GRIK3: variants seen among roughly 807,000 people sequenced by gnomAD.
GRIK3 encodes the protein glutamate receptor ionotropic, kainate 3.
GRIK3 carries 29 observed loss-of-function variants against 102.5 expected under a neutral mutation model. The ratio of observed to expected loss-of-function variants is 0.28; its 90% CI spans 0.21 to 0.39. The LOEUF (loss-of-function observed/expected upper bound fraction) is 0.39, where lower values mean the gene tolerates loss of function less well. Ranked by LOEUF, GRIK3 falls within the 10% of genes least tolerant of loss-of-function variation. GRIK3 has a pLI of 1.00. For synonymous variants in GRIK3, 511 were observed against 504.9 expected (o/e 1.01, Z -0.16); for missense variants, 908 against 1,252.4 (o/e 0.73, Z 4.15).
chr1:36,822,719 C>G (rs978261446), intron 11 of GRIK3, among the ~76,000 whole-genome samples: 1 of 152,152 alleles, frequency 6.6e-6, no homozygotes, highest in African/African-American at 2.4e-5. Flanking sequence ...GGATACTCAA[C>G]CCAGATTTGG....
intron 6 of GRIK3, 26 bp from the exon 7 acceptor site, chr1:36,859,277 C>T (rs768777250): frequency 1.6e-5 from 25 of 1,584,624 alleles, no homozygotes; most frequent in East Asian, 1.4e-4. Flanking sequence ...TGCCTGAGAG[C>T]GGCTCCCAAG....
intron 1 of GRIK3, among the ~76,000 whole-genome samples, chr1:36,999,768 T>A (rs762257947): frequency 6.6e-6 from 1 of 152,194 alleles, no homozygotes; most frequent in South Asian, 2.1e-4. Context: ...GTCTTCTCAA[T>A]GAGGCCCTGG....
At chr1:36,826,539 G>A (rs190753869) in intron 10 of GRIK3, among the ~76,000 whole-genome samples, 98 of 152,186 alleles carry the variant, frequency 6.4e-4, no homozygotes, top group Admixed American at 1.9e-3. Flanking sequence ...ACAGTGGCAC[G>A]TGCCTGTAGT....
intron 1 of GRIK3, among the ~76,000 whole-genome samples, chr1:36,963,274 C>T (rs76508104): frequency 0.1 from 15,224 of 152,122 alleles, 868 homozygotes; most frequent in African/African-American, 0.16. Flanking sequence ...GGGAGGCAAG[C>T]GGCGGTAGCA....
chr1:37,026,017 G>A lies in GRIK3; in HGVS notation c.115+7977C>T, dbSNP rs145923260. Among the ~76,000 whole-genome samples the A allele has an allele frequency of 4.0e-3, 606 of 152,228 alleles. 5 individuals are homozygous for A. Among genetic ancestry groups the A allele is most frequent in the Admixed American group, 0.013 (193 of 15,288 alleles). ...CCTGCTGTCTTCTAGGAGAGCTAAAGTGTCTATCCCCTAGGGCCTCTAGCC... is the reference window on the plus strand; with the variant it reads ...CCTGCTGTCTTCTAGGAGAGCTAAAATGTCTATCCCCTAGGGCCTCTAGCC... On this transcript the variant is annotated intron_variant, in intron 1 of 15. Transcript: ENST00000373091.
intron 1 of GRIK3, among the ~76,000 whole-genome samples, chr1:37,004,760 G>A (rs1000520688): frequency 2.6e-5 from 4 of 152,238 alleles, no homozygotes; most frequent in Non-Finnish European, 5.9e-5. Flanking sequence ...TGGGGACAGC[G>A]ATTAACTGCA....
Position 36,880,677 on chromosome 1 carries a change from G to A in GRIK3, c.507C>T (p.Tyr169=), listed in dbSNP as rs745920977. ...CCACGGTGGCTGACCGCCACTTGAG[G>A]TACTGGACCAGGTCGAGGATGGCAT... ...LSHAILDLVQ[Y]LKWRSATVVY... The change falls in exon 3 of 16, where the codon TAC becomes TAT. Residue 169 remains tyrosine, a synonymous_variant. Coordinates refer to ENST00000373091, the MANE Select transcript of GRIK3 (RefSeq NM_000831.4). This position sits in a 1 kb window ranked among gnomAD's most constrained non-coding sequence, Gnocchi z 5.4. 15 of 1,614,100 alleles carry A rather than the reference G, an allele frequency of 9.3e-6. No homozygotes were observed. The Admixed American group carries it at 2.2e-4, about 23-fold the overall frequency.
intron 1 of GRIK3, among the ~76,000 whole-genome samples, chr1:37,031,586 G>C (rs557116779): frequency 6.6e-6 from 1 of 152,332 alleles, no homozygotes; most frequent in South Asian, 2.1e-4. Context: ...CTGGCTGCTG[G>C]AGAAGCATTC....
At chr1:37,031,471 C>G (rs1642827383) in intron 1 of GRIK3, among the ~76,000 whole-genome samples, 1 of 152,200 alleles carries the variant, frequency 6.6e-6, no homozygotes, top group Non-Finnish European at 1.5e-5. Flanking sequence ...AATTTCAGCC[C>G]CCAAAAGAGG....
intron 1 of GRIK3, among the ~76,000 whole-genome samples, chr1:36,998,162 G>A (rs4653238): frequency 0.016 from 2,457 of 152,314 alleles, 49 homozygotes; most frequent in East Asian, 0.063. Flanking sequence ...AAGACACTGG[G>A]ACACCAGCAA....
chr1:36,803,319 GGAGCA>G (rs1642462693), intron 15 of GRIK3, among the ~76,000 whole-genome samples: 1 of 152,178 alleles, frequency 6.6e-6, no homozygotes, highest in Admixed American at 6.5e-5. Flanking sequence ...GAACAGGAGT[GGAGCA>G]GAGTAGGGGA....
At chr1:36,983,374 G>A (rs907770682) in intron 1 of GRIK3, among the ~76,000 whole-genome samples, 1 of 152,020 alleles carries the variant, frequency 6.6e-6, no homozygotes, top group Non-Finnish European at 1.5e-5. Flanking sequence ...AGGTACACAC[G>A]GCACAACGGC....
chr1:36,833,288 C>T (rs1640332290), intron 10 of GRIK3, among the ~76,000 whole-genome samples: 1 of 152,190 alleles, frequency 6.6e-6, no homozygotes, highest in Non-Finnish European at 1.5e-5. Context: ...TTAGAGCCTG[C>T]TGCTTGTGCC....
intron 1 of GRIK3, 137 bp from the exon 2 acceptor site, chr1:36,891,233 C>A: frequency 1.6e-6 from 1 of 614,972 alleles, no homozygotes; most frequent in East Asian, 2.6e-5. Context: ...ACTGCCATAC[C>A]TAGAAAGTGT....
At chr1:36,876,427 C>T (rs1038820942) in intron 3 of GRIK3, among the ~76,000 whole-genome samples, 2 of 152,132 alleles carry the variant, frequency 1.3e-5, no homozygotes, top group Admixed American at 1.3e-4. Flanking sequence ...ACTGCATGCT[C>T]CGAGCTTCAG....
intron 1 of GRIK3, among the ~76,000 whole-genome samples, chr1:37,003,038 T>G (rs1336396713): frequency 1.1e-5 from 1 of 87,814 alleles, no homozygotes; most frequent in African/African-American, 3.9e-5. Context: ...TTTTTTTTTT[T>G]GTCCCAGAGG....
intron 9 of GRIK3, among the ~76,000 whole-genome samples, chr1:36,846,597 G>A (rs1640522252): frequency 6.6e-6 from 1 of 152,208 alleles, no homozygotes. Flanking sequence ...ACAGGCTGGG[G>A]CTGTGCTCTC....
At chr1:37,012,232 T>C (rs1016497667) in intron 1 of GRIK3, among the ~76,000 whole-genome samples, 1 of 152,270 alleles carries the variant, frequency 6.6e-6, no homozygotes, top group Non-Finnish European at 1.5e-5. Context: ...CATGGCTAGT[T>C]CAGCGATTTT....
At chr1:36,875,752 C>G (rs1424806437) in intron 3 of GRIK3, among the ~76,000 whole-genome samples, 5 of 152,230 alleles carry the variant, frequency 3.3e-5, no homozygotes, top group Admixed American at 3.3e-4. Context: ...CAAGAAATCA[C>G]TGACCCTGTG....
Sources: gnomAD v4.1 joint callset for allele counts (sites outside exome capture counted in the v4.1 genomes callset) on GRCh38, gnomAD v4.1.1 for gene constraint, Gnocchi (gnomAD v3.1) non-coding constraint, MANE v1.5 for transcripts, NCBI Gene and HGNC (gene_info 2026-07-23, HGNC 2026-07-21) for gene names.